Variants in ADGRB3 observed in about 807,000 individuals in gnomAD.
The protein encoded by ADGRB3 is brain-specific angiogenesis inhibitor 3.
In ADGRB3, 37 loss-of-function variants were observed where a neutral mutation model predicts 193.4. The ratio of observed to expected loss-of-function variants is 0.19; its 90% CI spans 0.15 to 0.25. The LOEUF is 0.25. Ranked by LOEUF, ADGRB3 falls within the 10% of genes least tolerant of loss-of-function variation. The pLI is 1.00. For synonymous variants in ADGRB3, 690 were observed against 644.2 expected, an observed-to-expected ratio of 1.07 and a Z score of -1.08; for missense variants, 1,637 against 1,852.9, an observed-to-expected ratio of 0.88 and a Z score of 2.14.
chr6:68,910,290 T>A (rs1405775774), intron 3 of ADGRB3, among the ~76,000 whole-genome samples: 2 of 152,242 alleles, frequency 1.3e-5, no homozygotes, highest in South Asian at 2.1e-4. Flanking sequence ...GAGTTCATTG[T>A]AGATTCTGGA....
intron 11 of ADGRB3, among the ~76,000 whole-genome samples, chr6:69,003,343 AT>A (rs1187454802): frequency 6.6e-6 from 1 of 151,860 alleles, no homozygotes; most frequent in Non-Finnish European, 1.5e-5. Context: ...TTTATTTTTT[AT>A]TTTTTTCACT....
chr6:69,002,288 G>A (rs1401579568), intron 11 of ADGRB3, among the ~76,000 whole-genome samples: 1 of 150,094 alleles, frequency 6.7e-6, no homozygotes, highest in African/African-American at 2.5e-5. Context: ...GCATGATCTC[G>A]GCTCACTGCA....
chr6:69,057,703 A>G (rs1038560748), intron 15 of ADGRB3, among the ~76,000 whole-genome samples: 3 of 151,984 alleles, frequency 2.0e-5, no homozygotes, highest in Non-Finnish European at 4.4e-5. Flanking sequence ...GCAGTTTTTG[A>G]TCTTCATTCT....
At chr6:69,289,501 G>A (rs920181273) in intron 20 of ADGRB3, among the ~76,000 whole-genome samples, 19 of 152,094 alleles carry the variant, frequency 1.2e-4, no homozygotes, top group African/African-American at 4.6e-4. Flanking sequence ...AGGTGTTACG[G>A]TTTTGCCCCA....
chr6:69,197,394 G>GA (rs1765323973), intron 17 of ADGRB3, among the ~76,000 whole-genome samples: 1 of 149,398 alleles, frequency 6.7e-6, no homozygotes, highest in African/African-American at 2.5e-5. Context: ...AAAGCAAAGT[G>GA]TGCTTCATGA....
intron 20 of ADGRB3, among the ~76,000 whole-genome samples, chr6:69,258,597 C>T (rs1331577114): frequency 7.9e-5 from 12 of 152,144 alleles, no homozygotes; most frequent in African/African-American, 2.4e-4. Context: ...GGTGTATAGT[C>T]CAGAGCTTCA....
At position 69,308,016 on chromosome 6, in the gene ADGRB3, A is replaced by G. The variant is rs183854519; in HGVS notation, c.2815-16856A>G. On this transcript the variant is annotated intron_variant, in intron 20 of 31. Coordinates refer to ENST00000370598, the MANE Select transcript of ADGRB3 (RefSeq NM_001704.3). ...ATATGCCAGAAAGGCAGCAAAGAAA[A>G]AGGTGAGAATTTTGTTAGTAAGAAG... 7.3e-4 allele frequency among the ~76,000 whole-genome samples: 111 copies of G among 151,710 alleles called. 1 individual carries two copies. Among genetic ancestry groups the G allele is most frequent in the African/African-American group, 2.2e-3 (92 of 41,310 alleles).
chr6:69,309,517 C>A (rs1460006823), intron 20 of ADGRB3, among the ~76,000 whole-genome samples: 2 of 151,710 alleles, frequency 1.3e-5, no homozygotes, highest in East Asian at 1.9e-4. Context: ...AATCTGATTT[C>A]TCTTTGAAAT....
At chr6:68,920,399 T>A (rs58852795) in intron 3 of ADGRB3, among the ~76,000 whole-genome samples, 4,517 of 150,424 alleles carry the variant, frequency 0.03, 193 homozygotes, top group African/African-American at 0.1. Context: ...GGCTCTGTGG[T>A]CCCAGCTACT....
At chr6:69,211,664 T>G (rs990985775) in intron 17 of ADGRB3, among the ~76,000 whole-genome samples, 3 of 152,178 alleles carry the variant, frequency 2.0e-5, no homozygotes, top group Admixed American at 6.5e-5. Context: ...TATTAGTTTA[T>G]ATTATCATCT....
At chr6:68,730,364 G>A (rs114833150) in intron 3 of ADGRB3, among the ~76,000 whole-genome samples, 3,611 of 151,524 alleles carry the variant, frequency 0.024, 148 homozygotes, top group African/African-American at 0.08. Flanking sequence ...TATTCTCAGT[G>A]CTATACAGAA....
At chr6:68,863,445 A>G (rs1461225447) in intron 3 of ADGRB3, among the ~76,000 whole-genome samples, 1 of 152,058 alleles carries the variant, frequency 6.6e-6, no homozygotes, top group East Asian at 1.9e-4. Flanking sequence ...AAACTGATAC[A>G]TTTTATTAAA....
intron 3 of ADGRB3, among the ~76,000 whole-genome samples, chr6:68,683,075 G>C (rs532860705): frequency 6.6e-6 from 1 of 152,000 alleles, no homozygotes; most frequent in Non-Finnish European, 1.5e-5. Context: ...ATGAGCCACC[G>C]CGCCTGGCCA....
chr6:68,869,574 C>T (rs576537288), intron 3 of ADGRB3, among the ~76,000 whole-genome samples: 6 of 151,960 alleles, frequency 3.9e-5, no homozygotes, highest in Admixed American at 3.9e-4. Context: ...TTAGTTAATT[C>T]AAATCATAAA....
chr6:68,916,310 T>G lies in ADGRB3; in HGVS notation c.758-14249T>G, dbSNP rs116419511. Reference sequence around the variant, plus strand: ...AAATGTTTGTGAATTGGAAGATATATCTGAGGAAATCACCTAGAATAAAGT... The same window carrying G: ...AAATGTTTGTGAATTGGAAGATATAGCTGAGGAAATCACCTAGAATAAAGT... On this transcript the variant is annotated intron_variant, in intron 3 of 31. Coordinates refer to ENST00000370598, the MANE Select transcript of ADGRB3 (RefSeq NM_001704.3). Among the ~76,000 whole-genome samples the G allele has an allele frequency of 3.4e-3, 520 of 152,298 alleles. 4 individuals are homozygous for G. Among genetic ancestry groups the G allele is most frequent in the African/African-American group, 0.012 (505 of 41,568 alleles).
chr6:68,799,576 A>T (rs1002244692), intron 3 of ADGRB3, among the ~76,000 whole-genome samples: 10 of 152,322 alleles, frequency 6.6e-5, no homozygotes, highest in Admixed American at 2.6e-4. Context: ...CATAAAAAAA[A>T]GTTACCTGTC....
At chr6:68,920,512 C>CAAAAAAA (rs5877180) in intron 3 of ADGRB3, among the ~76,000 whole-genome samples, 2 of 68,916 alleles carry the variant, frequency 2.9e-5, no homozygotes, top group African/African-American at 6.2e-5. Context: ...GACTCTGTAT[C>CAAAAAAA]AAAAAAAAAA....
intron 3 of ADGRB3, among the ~76,000 whole-genome samples, chr6:68,662,237 A>G (rs1768681158): frequency 6.6e-6 from 1 of 151,648 alleles, no homozygotes. Context: ...GCAGCTTAGA[A>G]TAGTCCTTTT....
intron 13 of ADGRB3, among the ~76,000 whole-genome samples, chr6:69,033,465 G>C (rs1770773563): frequency 3.9e-5 from 6 of 151,958 alleles, no homozygotes; most frequent in Non-Finnish European, 7.4e-5. Flanking sequence ...ATTTATAAAT[G>C]AATTAGTTCA....
Sources: allele counts gnomAD v4.1 joint callset (sites outside exome capture counted in the v4.1 genomes callset), GRCh38; gene constraint gnomAD v4.1.1; transcripts MANE v1.5; gene names NCBI Gene and HGNC (gene_info 2026-07-23, HGNC 2026-07-21).